The following AIG1 variants were observed in gnomAD, a reference collection of about 807,000 sequenced individuals.
AIG1 encodes the protein androgen-induced gene 1 protein.
Under a neutral mutation model 31.4 loss-of-function variants are expected in AIG1, and 23 were observed. The observed-to-expected ratio is 0.73, with a 90% CI of 0.53 to 1.04. The LOEUF (loss-of-function observed/expected upper bound fraction) is 1.04, where lower values mean the gene tolerates loss of function less well. Among genes scored for constraint, AIG1 ranks in the 50% least tolerant of loss-of-function variants. AIG1 has a pLI of 0.00. For missense variants in AIG1, 274 were observed against 295.0 expected (o/e 0.93, Z 0.52); for synonymous variants, 100 against 110.5 (o/e 0.90, Z 0.60).
chr6:143,100,916 C>G (rs1343955763), intron 1 of AIG1, among the ~76,000 whole-genome samples: 1 of 152,078 alleles, frequency 6.6e-6, no homozygotes, highest in Non-Finnish European at 1.5e-5. Context: ...AACTCCTGAC[C>G]TCAAGTGATC....
At chr6:143,322,877 A>C (rs1167147919) in intron 4 of AIG1, among the ~76,000 whole-genome samples, 1 of 152,222 alleles carries the variant, frequency 6.6e-6, no homozygotes, top group Non-Finnish European at 1.5e-5. Flanking sequence ...ACATTCTTGC[A>C]TGTGAGAAGT....
At chr6:143,269,214 A>G (rs1467667598) in intron 3 of AIG1, among the ~76,000 whole-genome samples, 2 of 152,268 alleles carry the variant, frequency 1.3e-5, no homozygotes, top group Non-Finnish European at 2.9e-5. Flanking sequence ...CAGCAACAGT[A>G]GGACAATCTG....
intron 2 of AIG1, among the ~76,000 whole-genome samples, chr6:143,147,626 T>C (rs551146173): frequency 1.3e-5 from 2 of 151,980 alleles, no homozygotes; most frequent in South Asian, 4.2e-4. Context: ...GGCCCCCAGA[T>C]TCATTAATAA....
intron 1 of AIG1, among the ~76,000 whole-genome samples, chr6:143,083,332 G>A (rs1400346847): frequency 2.0e-5 from 3 of 152,200 alleles, no homozygotes; most frequent in Non-Finnish European, 4.4e-5. Context: ...CTAATGCCTG[G>A]CCAAACAGAT....
At chr6:143,286,463 G>A (rs1797686257) in intron 4 of AIG1, among the ~76,000 whole-genome samples, 2 of 152,164 alleles carry the variant, frequency 1.3e-5, no homozygotes, top group African/African-American at 4.8e-5. Flanking sequence ...GTTCTGCCCT[G>A]GGCATTCATA....
intron 3 of AIG1, among the ~76,000 whole-genome samples, chr6:143,210,728 A>C (rs1010321324): frequency 6.6e-6 from 1 of 152,226 alleles, no homozygotes; most frequent in African/African-American, 2.4e-5. Context: ...AGACAATAAA[A>C]AATGAAATTA....
rs146391353 is a variant in AIG1, at chr6:143,170,828, T to C, written c.399+5645T>C. On this transcript the variant is annotated intron_variant, in intron 3 of 5. Transcript: ENST00000357847. ...TTTCTCAGAAATCACCACTAAAGAA[T>C]TTATTCATGTAACTAGACACCACCT... Among the ~76,000 whole-genome samples, 926 of 151,866 alleles carry C rather than the reference T, an allele frequency of 6.1e-3. 10 individuals are homozygous for C. The highest frequency in any genetic ancestry group is 0.021 in the African/African-American group (886 of 41,492).
At position 143,197,468 on chromosome 6, in the gene AIG1, C is replaced by A. The variant is rs114918435; in HGVS notation, c.399+32285C>A. On this transcript the variant is annotated intron_variant, in intron 3 of 5. Coordinates refer to ENST00000357847, the MANE Select transcript of AIG1 (RefSeq NM_016108.4). ...CAAGAAGAAGCTAAATAAAATAGTT[C>A]ATTAACTTATCTCTCAGGCCAACTG... Among the ~76,000 whole-genome samples the A allele has an allele frequency of 7.4e-3, 1,134 of 152,248 alleles. 11 individuals carry two copies. The highest frequency in any genetic ancestry group is 0.026 in the African/African-American group (1,063 of 41,540).
chr6:143,153,537 C>G (rs13206159), intron 2 of AIG1, among the ~76,000 whole-genome samples: 1 of 152,040 alleles, frequency 6.6e-6, no homozygotes, highest in East Asian at 1.9e-4. Flanking sequence ...TTAGTACAGA[C>G]GGGATTTCAC....
chr6:143,137,127 G>C lies in AIG1; in HGVS notation c.297+137G>C, dbSNP rs547752650. The C allele has an allele frequency of 6.5e-5, 61 of 943,158 alleles. 1 individual carries two copies. Among genetic ancestry groups the C allele is most frequent in the Non-Finnish European group, 8.2e-5 (58 of 704,220 alleles). 58.4% of individuals were successfully genotyped at this position (943,158 alleles called of 1,614,324 possible). ...CTGGAGCTGTCAGTACCACAGATGCGGTGGCTTAAACAACAAACATTTATT... is the reference window on the plus strand; with the variant it reads ...CTGGAGCTGTCAGTACCACAGATGCCGTGGCTTAAACAACAAACATTTATT... On this transcript the variant is annotated intron_variant, in intron 2 of 5. Coordinates refer to ENST00000357847, the MANE Select transcript of AIG1 (RefSeq NM_016108.4).
intron 3 of AIG1, among the ~76,000 whole-genome samples, chr6:143,263,113 C>T (rs1185606360): frequency 6.6e-6 from 1 of 152,138 alleles, no homozygotes; most frequent in Admixed American, 6.5e-5. Context: ...AGTACATCAC[C>T]TTTACTCCCC....
At position 143,075,061 on chromosome 6, in the gene AIG1, C is replaced by T. The variant is rs1214570087; in HGVS notation, c.141+13995C>T. ...TCAATTTTTAAAACAGATTTGGTAT[C>T]TTTCAAATAATTGGTCAATTTCATC... On this transcript the variant is annotated intron_variant, in intron 1 of 5. Coordinates refer to ENST00000357847, the MANE Select transcript of AIG1 (RefSeq NM_016108.4). Among the ~76,000 whole-genome samples, 6 of 152,270 alleles carry T rather than the reference C, an allele frequency of 3.9e-5. No homozygotes were observed. In the East Asian group the frequency reaches 1.2e-3, roughly 29 times the overall value.
chr6:143,096,122 G>T (rs1450925007), intron 1 of AIG1, among the ~76,000 whole-genome samples: 1 of 151,750 alleles, frequency 6.6e-6, no homozygotes, highest in Non-Finnish European at 1.5e-5. Flanking sequence ...TAGCCAGGGT[G>T]GTCTCGATCT....
At chr6:143,177,630 C>T (rs953841758) in intron 3 of AIG1, among the ~76,000 whole-genome samples, 4 of 152,166 alleles carry the variant, frequency 2.6e-5, no homozygotes, top group African/African-American at 7.2e-5. Flanking sequence ...GAGGCTATTG[C>T]ACGGCTTTGC....
At position 143,080,832 on chromosome 6, in the gene AIG1, C is replaced by T. The variant is rs113324674; in HGVS notation, c.141+19766C>T. Reference sequence around the variant, plus strand: ...AGACTCCACTCCAGCCACTTAACTGCGGTTAGGGTAGATAAAATGACTGGG... The same window carrying T: ...AGACTCCACTCCAGCCACTTAACTGTGGTTAGGGTAGATAAAATGACTGGG... On this transcript the variant is annotated intron_variant, in intron 1 of 5. Coordinates refer to ENST00000357847, the MANE Select transcript of AIG1 (RefSeq NM_016108.4). Among the ~76,000 whole-genome samples the T allele has an allele frequency of 2.6e-3, 400 of 151,970 alleles. 3 individuals are homozygous for T. Among genetic ancestry groups the T allele is most frequent in the African/African-American group, 8.9e-3 (368 of 41,418 alleles).
chr6:143,211,953 C>T (rs1218509083), intron 3 of AIG1, among the ~76,000 whole-genome samples: 1 of 151,910 alleles, frequency 6.6e-6, no homozygotes, highest in Admixed American at 6.6e-5. Context: ...CTGTGGTATC[C>T]TACTTGTTCT....
intron 3 of AIG1, among the ~76,000 whole-genome samples, chr6:143,192,513 G>A (rs1159280657): frequency 6.6e-5 from 10 of 151,968 alleles, no homozygotes; most frequent in African/African-American, 2.4e-5. Flanking sequence ...GCTGATGCAG[G>A]GGAATCGCTT....
chr6:143,130,377 G>A (rs1051730744), intron 1 of AIG1, among the ~76,000 whole-genome samples: 2 of 152,088 alleles, frequency 1.3e-5, no homozygotes, highest in African/African-American at 4.8e-5. Flanking sequence ...AGAAAAAAGT[G>A]TTCCCTACTG....
intron 1 of AIG1, among the ~76,000 whole-genome samples, chr6:143,134,880 G>A (rs1407531589): frequency 1.3e-5 from 2 of 152,090 alleles, no homozygotes; most frequent in Admixed American, 1.3e-4. Context: ...GCTAATGTGT[G>A]TGTTCTGAGC....
Sources: gnomAD v4.1 joint callset for allele counts (sites outside exome capture counted in the v4.1 genomes callset) on GRCh38, gnomAD v4.1.1 for gene constraint, MANE v1.5 for transcripts, NCBI Gene and HGNC (gene_info 2026-07-23, HGNC 2026-07-21) for gene names.